The following TPCN2 variants were observed in gnomAD, a reference collection of about 807,000 sequenced individuals.
TPCN2 encodes two pore segment channel 2.
TPCN2 carries 92 observed loss-of-function variants against 111.4 expected under a neutral mutation model. The ratio of observed to expected loss-of-function variants is 0.83; its 90% confidence interval spans 0.70 to 0.98. TPCN2 has a LOEUF of 0.98. TPCN2 is among the 50% of genes least tolerant of loss of function. The probability of loss-of-function intolerance (pLI) is 0.00; values close to 1 mark genes in which losing one functional copy is unlikely to be tolerated. For synonymous variants in TPCN2, 405 were observed against 414.5 expected, an observed-to-expected ratio of 0.98 and a Z score of 0.28; for missense variants, 995 against 980.1, an observed-to-expected ratio of 1.02 and a Z score of -0.20.
chr11:69,064,024 G>A (rs1855148703), intron 7 of TPCN2, 57 bp downstream of exon 7: 1 of 1,547,584 alleles, frequency 6.5e-7, no homozygotes, highest in African/African-American at 1.4e-5. Flanking sequence ...GTGACTAACA[G>A]AGGGGGCTGG....
intron 13 of TPCN2, among the ~76,000 whole-genome samples, chr11:69,074,174 G>A (rs1425887853): frequency 6.6e-6 from 1 of 152,194 alleles, no homozygotes; most frequent in East Asian, 1.9e-4. Flanking sequence ...GTCAGAGGTG[G>A]TTCTCTAAAA....
intron 13 of TPCN2, among the ~76,000 whole-genome samples, chr11:69,076,984 TCCA>T (rs1256853334): frequency 5.5e-5 from 4 of 73,182 alleles, no homozygotes; most frequent in Admixed American, 1.4e-4. Flanking sequence ...GCCATGTCCC[TCCA>T]CCTGCCCTCC....
At position 69,072,037 on chromosome 11, in the gene TPCN2, A is replaced by G. The variant is rs1177539899; in HGVS notation, c.1061+14A>G. ...CTTCCCTCAGGCGTGAGTGCTGGGC[A>G]TGGACCCTCTTCTCCCTGAGGGTGG... On this transcript the variant is annotated intron_variant, in intron 11 of 24. Transcript: ENST00000294309. 1.2e-6 allele frequency: 2 copies of G among 1,604,472 alleles called. No homozygotes were observed. The highest frequency in any genetic ancestry group is 8.5e-7 in the Non-Finnish European group (1 of 1,172,750).
chr11:69,081,469 C>G lies in TPCN2; in HGVS notation c.1659C>G (p.Phe553Leu). ...MTRMLNMLIVFRFLRIIPSMK... is the reference protein window; with the variant it reads ...MTRMLNMLIVLRFLRIIPSMK... ...GCATGCTGAACATGCTCATCGTGTTCCGCTTCCTGCGTATCATCCCCAGCA... is the reference window on the plus strand; with the variant it reads ...GCATGCTGAACATGCTCATCGTGTTGCGCTTCCTGCGTATCATCCCCAGCA... The change falls in exon 18 of 25, where the codon TTC becomes TTG. Residue 553 changes from phenylalanine (F) to leucine (L), a missense_variant. Transcript: ENST00000294309. 1 of 1,573,128 alleles carries G rather than the reference C, an allele frequency of 6.4e-7. No individual in the cohort carries two copies. The highest frequency in any genetic ancestry group is 8.6e-7 in the Non-Finnish European group (1 of 1,159,044).
chr11:69,058,441 C>T (rs1483204551), intron 5 of TPCN2, among the ~76,000 whole-genome samples: 1 of 152,056 alleles, frequency 6.6e-6, no homozygotes, highest in Admixed American at 6.5e-5. Flanking sequence ...TGGGTTCTTG[C>T]CCTCTGTCCT....
At chr11:69,051,619 C>T (rs1388032010) in intron 1 of TPCN2, among the ~76,000 whole-genome samples, 1 of 152,192 alleles carries the variant, frequency 6.6e-6, no homozygotes, top group African/African-American at 2.4e-5. Flanking sequence ...GCCTGGTGTG[C>T]CGGATGCAGC....
intron 5 of TPCN2, among the ~76,000 whole-genome samples, chr11:69,059,323 C>G (rs1854916980): frequency 6.8e-6 from 1 of 146,120 alleles, no homozygotes; most frequent in African/African-American, 2.5e-5. Flanking sequence ...TTTCCATGAA[C>G]AAGCTATGGT....
Position 69,085,812 on chromosome 11 carries a change from T to C in TPCN2, c.1921-36T>C, listed in dbSNP as rs1250862229. The C allele has an allele frequency of 2.5e-6, 4 of 1,613,066 alleles. No homozygotes were observed. In the Admixed American group the frequency reaches 6.7e-5, roughly 27 times the overall value. ...CCGGGCTCCTCCCCTCCCTACCTCC[T>C]GGGCCCTCCTGGACCGCTGGTCTCT... On this transcript the variant is annotated intron_variant, in intron 21 of 24. Transcript: ENST00000294309.
chr11:69,054,188 G>A, intron 2 of TPCN2, 91 bp downstream of exon 2: 1 of 1,014,028 alleles, frequency 9.9e-7, no homozygotes, highest in South Asian at 1.3e-5. Flanking sequence ...TGGGTCCAAG[G>A]CCTCCATTGC....
chr11:69,060,548 TG>T (rs1854975746), intron 5 of TPCN2, among the ~76,000 whole-genome samples: 1 of 152,218 alleles, frequency 6.6e-6, no homozygotes. Flanking sequence ...CTCAAGGCCT[TG>T]GGTCTGAGGG....
chr11:69,060,014 G>C (rs1854949695), intron 5 of TPCN2, among the ~76,000 whole-genome samples: 1 of 152,274 alleles, frequency 6.6e-6, no homozygotes, highest in African/African-American at 2.4e-5. Flanking sequence ...CCTGGCCAGA[G>C]AGCCTCCTCT....
At chr11:69,065,862 G>T (rs1423209744) in intron 7 of TPCN2, among the ~76,000 whole-genome samples, 3 of 152,150 alleles carry the variant, frequency 2.0e-5, no homozygotes, top group African/African-American at 7.2e-5. Context: ...GTCCATCGTC[G>T]CTGGTTGTGG....
At chr11:69,081,670 T>A (rs189367433) in intron 18 of TPCN2, among the ~76,000 whole-genome samples, 171 bp downstream of exon 18, 4 of 151,828 alleles carry the variant, frequency 2.6e-5, no homozygotes, top group Admixed American at 6.6e-5. Context: ...TGGGGAAGGG[T>A]CATTAGAAGC....
In TPCN2 at chr11:69,072,103, GCTT is replaced by G. The variant is rs1028698131; in HGVS notation, c.1061+84_1061+86del. On this transcript the variant is annotated intron_variant, in intron 11 of 24. Transcript: ENST00000294309. ...GGCAGGGGCCGGGTGTTCATTAGGG[GCTT>G]CTTGTGCTTGGCCTGTGCCTCGCCC... is the stretch of plus-strand genomic sequence containing the variant. 6 of 1,207,804 alleles carry G rather than the reference GCTT, an allele frequency of 5.0e-6. No homozygotes were observed. In the African/African-American group the frequency reaches 7.5e-5, roughly 15 times the overall value. 74.8% of individuals were successfully genotyped at this position (1,207,804 alleles called of 1,614,324 possible).
At chr11:69,082,380 A>G (rs999144495) in intron 18 of TPCN2, among the ~76,000 whole-genome samples, 3 of 152,260 alleles carry the variant, frequency 2.0e-5, no homozygotes, top group Non-Finnish European at 4.4e-5. Context: ...ATATACAATC[A>G]TGTTTGGATA....
At chr11:69,055,382 T>C (rs745755451) in intron 4 of TPCN2, 30 bp downstream of exon 4, 2 of 1,561,672 alleles carry the variant, frequency 1.3e-6, no homozygotes, top group South Asian at 2.3e-5. Context: ...CTCTACGTGC[T>C]GCCCCGGCCT....
intron 13 of TPCN2, among the ~76,000 whole-genome samples, chr11:69,076,622 C>T (rs1855766289): frequency 7.1e-6 from 1 of 140,800 alleles, no homozygotes; most frequent in Non-Finnish European, 1.6e-5. Context: ...CACCTGCCCT[C>T]CTGCGGTGTC....
intron 17 of TPCN2, among the ~76,000 whole-genome samples, chr11:69,081,144 A>G (rs3794019): frequency 0.87 from 132,808 of 151,880 alleles, 59,574 homozygotes; most frequent in Non-Finnish European, 0.99. Context: ...GCCTTCCCGC[A>G]AGGGCTGGCT....
intron 2 of TPCN2, 77 bp from the exon 3 acceptor site, chr11:69,054,644 G>T (rs1239213142): frequency 1.5e-6 from 2 of 1,360,384 alleles, no homozygotes; most frequent in South Asian, 1.2e-5. Flanking sequence ...GGCCTGTCTC[G>T]TGTGTGGTGT....
Sources: gnomAD v4.1 joint callset for allele counts (sites outside exome capture counted in the v4.1 genomes callset) on GRCh38, gnomAD v4.1.1 for gene constraint, MANE v1.5 for transcripts, NCBI Gene and HGNC (gene_info 2026-07-23, HGNC 2026-07-21) for gene names.